The following ATP5MF variants were observed in gnomAD, a reference collection of about 807,000 sequenced individuals.
ATP5MF encodes the protein ATP synthase F(0) complex subunit f, mitochondrial.
ATP5MF carries 10 observed loss-of-function variants against 13.8 expected under a neutral mutation model. That is an observed-to-expected ratio of 0.72 (90% confidence interval 0.45 to 1.23). ATP5MF has a LOEUF of 1.23. Ranked by LOEUF, ATP5MF falls within the 50% of genes most tolerant of loss-of-function variation. The pLI is 0.00. For missense variants in ATP5MF, 122 were observed against 118.2 expected, an observed-to-expected ratio of 1.03 and a Z score of -0.15; for synonymous variants, 40 against 45.8, an observed-to-expected ratio of 0.87 and a Z score of 0.51.
At chr7:99,459,367 G>A (rs1688072474) in intron 2 of ATP5MF, 104 bp from the exon 3 acceptor site, 13 of 842,774 alleles carry the variant, frequency 1.5e-5, no homozygotes, top group Non-Finnish European at 2.6e-5. Flanking sequence ...GTCCTGCTCT[G>A]GCTGTTTAAG....
chr7:99,463,462 A>C (rs908972354), intron 1 of ATP5MF, among the ~76,000 whole-genome samples: 4 of 152,200 alleles, frequency 2.6e-5, no homozygotes, highest in African/African-American at 9.7e-5. Flanking sequence ...CCCCATCTCT[A>C]TAATAAATAA....
chr7:99,458,279 G>T lies in ATP5MF; in HGVS notation c.*48C>A. On this transcript the variant is annotated 3_prime_UTR_variant, in exon 4 of 4. Transcript: ENST00000292475. ...GATTGAGATTGTGTTCCTCACGGAG[G>T]GGCTCGGGCCAAGGTCGTGGGGTGG... 1 of 1,587,648 alleles carries T rather than the reference G, an allele frequency of 6.3e-7. No homozygotes were observed.
chr7:99,465,961 G>A lies in ATP5MF; in HGVS notation c.31+150C>T, dbSNP rs542231625. The A allele has an allele frequency of 8.6e-6, 12 of 1,396,764 alleles. No individual in the cohort carries two copies. The South Asian group carries it at 1.3e-4, about 16-fold the overall frequency. The allele number at this position is 1,396,764 out of a possible 1,614,324, so 86.5% of individuals were successfully genotyped here. ...GGCAGCAGGAAGGCGCGCCTGGGCAGGCGGAGCGGGGTCTGGCGCGCCTCA... is the reference window on the plus strand; with the variant it reads ...GGCAGCAGGAAGGCGCGCCTGGGCAAGCGGAGCGGGGTCTGGCGCGCCTCA... On this transcript the variant is annotated intron_variant, in intron 1 of 3. Coordinates refer to ENST00000292475, the MANE Select transcript of ATP5MF (RefSeq NM_004889.5).
chr7:99,465,249 A>T (rs1022618532), intron 1 of ATP5MF, among the ~76,000 whole-genome samples: 19 of 152,144 alleles, frequency 1.2e-4, no homozygotes, highest in African/African-American at 4.6e-4. Context: ...ACAAGAGCGA[A>T]ACGCCATCTC....
chr7:99,460,408 T>C, intron 1 of ATP5MF: 1 of 713,656 alleles, frequency 1.4e-6, no homozygotes, highest in Non-Finnish European at 2.5e-6. Context: ...AGGGACAGCT[T>C]TATTAACCAA....
chr7:99,466,059 T>C, intron 1 of ATP5MF, 52 bp downstream of exon 1: 1 of 1,613,758 alleles, frequency 6.2e-7, no homozygotes, highest in Admixed American at 1.7e-5. Context: ...AGTGTGGCTC[T>C]GGACCCTGGA....
intron 3 of ATP5MF, 61 bp downstream of exon 3, chr7:99,459,086 G>T: frequency 7.6e-7 from 1 of 1,316,494 alleles, no homozygotes; most frequent in Non-Finnish European, 1.1e-6. Flanking sequence ...TGTATCTAAT[G>T]AAATCAGTCA....
At chr7:99,465,981 G>C (rs1798856123) in intron 1 of ATP5MF, 130 bp downstream of exon 1, 1 of 1,491,606 alleles carries the variant, frequency 6.7e-7, no homozygotes, top group Non-Finnish European at 9.1e-7. Flanking sequence ...GGTCTGGCGC[G>C]CCTCAAGTGA....
intron 1 of ATP5MF, chr7:99,460,513 TA>T (rs1395202424): frequency 3.4e-6 from 2 of 581,732 alleles, no homozygotes; most frequent in Admixed American, 3.8e-5. Context: ...ACTGCAAAGC[TA>T]ACATTTACTT....
intron 1 of ATP5MF, 77 bp downstream of exon 1, chr7:99,466,034 G>T: frequency 6.2e-7 from 1 of 1,608,944 alleles, no homozygotes; most frequent in Non-Finnish European, 8.5e-7. Flanking sequence ...CAGCTCCGCA[G>T]CTTCCTTCTC....
chr7:99,461,621 A>G (rs185616399), intron 1 of ATP5MF, among the ~76,000 whole-genome samples: 2 of 151,804 alleles, frequency 1.3e-5, no homozygotes, highest in African/African-American at 4.8e-5. Context: ...AGGCAGGCAG[A>G]TCACTTGAGG....
chr7:99,463,241 A>C (rs1411248195), intron 1 of ATP5MF, among the ~76,000 whole-genome samples: 2 of 152,236 alleles, frequency 1.3e-5, no homozygotes, highest in African/African-American at 4.8e-5. Context: ...GGAAATAGCA[A>C]GTCTCTCCTG....
intron 1 of ATP5MF, among the ~76,000 whole-genome samples, chr7:99,461,286 G>C (rs1238880067): frequency 6.6e-6 from 1 of 152,040 alleles, no homozygotes; most frequent in African/African-American, 2.4e-5. Flanking sequence ...GCTCACTGCA[G>C]CCTCACTGAG....
chr7:99,465,641 A>G (rs1431232101), intron 1 of ATP5MF, among the ~76,000 whole-genome samples: 3 of 152,176 alleles, frequency 2.0e-5, no homozygotes, highest in African/African-American at 7.2e-5. Flanking sequence ...GACCTTGAAC[A>G]GGTCACCTCG....
At chr7:99,458,831 T>C (rs1015505267) in intron 3 of ATP5MF, 1 of 342,510 alleles carries the variant, frequency 2.9e-6, no homozygotes, top group South Asian at 3.7e-5. Flanking sequence ...CTCATTTCTC[T>C]TTCTGCATTG....
chr7:99,462,228 A>C (rs1317052041), intron 1 of ATP5MF, among the ~76,000 whole-genome samples: 2 of 144,252 alleles, frequency 1.4e-5, no homozygotes, highest in Non-Finnish European at 3.0e-5. Context: ...TGAGGCGGGA[A>C]GATCCTGAGG....
At chr7:99,463,587 C>G (rs1236113143) in intron 1 of ATP5MF, among the ~76,000 whole-genome samples, 1 of 152,074 alleles carries the variant, frequency 6.6e-6, no homozygotes, top group East Asian at 1.9e-4. Flanking sequence ...ACCAGCCTGA[C>G]CAAAATGGCG....
At chr7:99,459,968 A>T in intron 2 of ATP5MF, 118 bp downstream of exon 2, 1 of 1,190,790 alleles carries the variant, frequency 8.4e-7, no homozygotes, top group Non-Finnish European at 1.2e-6. Flanking sequence ...GTCATCCTCT[A>T]CATAACTTAC....
At chr7:99,462,799 C>G (rs1388085143) in intron 1 of ATP5MF, among the ~76,000 whole-genome samples, 1 of 152,210 alleles carries the variant, frequency 6.6e-6, no homozygotes, top group African/African-American at 2.4e-5. Context: ...TTCTCTTTCA[C>G]TGGAAGGCAA....
Sources: gnomAD v4.1 joint callset for allele counts (sites outside exome capture counted in the v4.1 genomes callset) on GRCh38, gnomAD v4.1.1 for gene constraint, MANE v1.5 for transcripts, NCBI Gene and HGNC (gene_info 2026-07-23, HGNC 2026-07-21) for gene names.